The following YAF2 variants were observed in gnomAD, a reference collection of about 807,000 sequenced individuals.
YAF2 encodes YY1-associated factor 2.
A neutral mutation model predicts 20.1 loss-of-function variants in YAF2; 7 were observed. That is an observed-to-expected ratio of 0.35 (90% CI 0.20 to 0.65). The LOEUF is 0.65. Ranked by LOEUF, YAF2 falls within the 30% of genes least tolerant of loss-of-function variation. The pLI, the probability that YAF2 is intolerant of heterozygous loss-of-function variation, is 0.69. For missense variants in YAF2, 151 were observed against 219.2 expected, an observed-to-expected ratio of 0.69 and a Z score of 1.96; for synonymous variants, 74 against 76.0, an observed-to-expected ratio of 0.97 and a Z score of 0.14.
intron 2 of YAF2, among the ~76,000 whole-genome samples, chr12:42,227,060 A>AGCC (rs1185489464): frequency 1.4e-5 from 2 of 145,606 alleles, no homozygotes; most frequent in Non-Finnish European, 3.0e-5. Flanking sequence ...GACCGACCGC[A>AGCC]GCCGCCGCCG....
intron 2 of YAF2, among the ~76,000 whole-genome samples, chr12:42,222,216 A>G (rs1367584196): frequency 6.6e-6 from 1 of 152,230 alleles, no homozygotes; most frequent in Admixed American, 6.5e-5. Flanking sequence ...TAAGGAAAAC[A>G]TACCTTAAAG....
chr12:42,161,547 T>A, intron 3 of YAF2, 66 bp downstream of exon 3: 1 of 1,478,278 alleles, frequency 6.8e-7, no homozygotes. Context: ...TATTAGTATG[T>A]CAAGGTTAAA....
At chr12:42,165,324 C>A (rs1017009728) in intron 2 of YAF2, among the ~76,000 whole-genome samples, 1 of 151,798 alleles carries the variant, frequency 6.6e-6, no homozygotes. Context: ...CACAATGGAC[C>A]CTTTTAATAA....
At chr12:42,226,563 C>G in intron 2 of YAF2, among the ~76,000 whole-genome samples, 1 of 152,022 alleles carries the variant, frequency 6.6e-6, no homozygotes, top group Non-Finnish European at 1.5e-5. Context: ...ACTTGGGAGG[C>G]TAAGGTGGGG....
chr12:42,211,363 G>T (rs1389693073), intron 2 of YAF2, among the ~76,000 whole-genome samples: 1 of 146,224 alleles, frequency 6.8e-6, no homozygotes, highest in Non-Finnish European at 1.5e-5. Flanking sequence ...GGAAGCAGAG[G>T]TTGCAGTGAG....
chr12:42,201,560 T>A (rs1433720095), intron 2 of YAF2, among the ~76,000 whole-genome samples: 1 of 152,208 alleles, frequency 6.6e-6, no homozygotes, highest in African/African-American at 2.4e-5. Flanking sequence ...GCATATCTTT[T>A]AGTTTGGTTT....
At chr12:42,232,835 T>G (rs2068022993) in intron 2 of YAF2, 1 of 985,226 alleles carries the variant, frequency 1.0e-6, no homozygotes, top group Admixed American at 6.2e-5. Flanking sequence ...AACTCACTCT[T>G]TTTACCTAAC....
chr12:42,166,063 C>T (rs1270486258), intron 2 of YAF2, among the ~76,000 whole-genome samples: 1 of 151,752 alleles, frequency 6.6e-6, no homozygotes, highest in African/African-American at 2.4e-5. Context: ...GGATTACAAG[C>T]GTGTGCCACC....
chr12:42,234,768 A>C (rs1284157330), intron 2 of YAF2: 1 of 948,428 alleles, frequency 1.1e-6, no homozygotes, highest in Admixed American at 6.2e-5. Context: ...TAGGAGGATC[A>C]CTTGAGCTCA....
rs1301819071 is a variant in YAF2, at chr12:42,199,152, G to C, written c.153-37387C>G. ...ACAGCTTACCAGACTGTCCAAAAAAGAGAATGACCCAAATTTCTAGGCAGA... is the reference window on the plus strand; with the variant it reads ...ACAGCTTACCAGACTGTCCAAAAAACAGAATGACCCAAATTTCTAGGCAGA... On this transcript the variant is annotated intron_variant, in intron 2 of 3. Transcript: ENST00000534854. The C allele has an allele frequency of 3.1e-6, 4 of 1,288,814 alleles. No individual in the cohort carries two copies. The East Asian group carries it at 2.2e-4, about 71-fold the overall frequency. 79.8% of individuals were successfully genotyped at this position (1,288,814 alleles called of 1,614,324 possible). A position where few individuals can be genotyped will look rare whatever the true frequency, so the allele number is the denominator to read the frequency against.
At chr12:42,218,526 T>C (rs1307193648) in intron 2 of YAF2, among the ~76,000 whole-genome samples, 1 of 152,160 alleles carries the variant, frequency 6.6e-6, no homozygotes, top group Non-Finnish European at 1.5e-5. Flanking sequence ...GTATGTGTCT[T>C]TTAAAAAATG....
intron 2 of YAF2, among the ~76,000 whole-genome samples, chr12:42,173,178 A>G (rs2066094684): frequency 6.6e-6 from 1 of 152,200 alleles, no homozygotes; most frequent in Admixed American, 6.5e-5. Context: ...TGCAGCCTCA[A>G]ACTCCTGGGC....
intron 2 of YAF2, chr12:42,232,514 G>C: frequency 1.0e-6 from 1 of 985,342 alleles, no homozygotes; most frequent in Non-Finnish European, 1.2e-6. Context: ...AAACAAACAA[G>C]TAAGAAATCT....
intron 2 of YAF2, among the ~76,000 whole-genome samples, chr12:42,209,111 A>G (rs1232906040): frequency 6.6e-6 from 1 of 152,222 alleles, no homozygotes; most frequent in Non-Finnish European, 1.5e-5. Context: ...GCTCAAACTG[A>G]ACCAATTCTG....
chr12:42,211,446 A>AC (rs2067206914), intron 2 of YAF2, among the ~76,000 whole-genome samples: 2 of 148,592 alleles, frequency 1.3e-5, no homozygotes, highest in African/African-American at 4.9e-5. Flanking sequence ...AAAAAAAAAA[A>AC]AAAAAGTCAT....
At chr12:42,235,077 T>C (rs1444596062) in intron 2 of YAF2, 3 of 985,402 alleles carry the variant, frequency 3.0e-6, no homozygotes, top group African/African-American at 1.7e-5. Context: ...GTTTTTCAAA[T>C]GTCTAGAATG....
intron 2 of YAF2, among the ~76,000 whole-genome samples, chr12:42,223,059 A>G (rs1024671887): frequency 6.6e-6 from 1 of 151,838 alleles, no homozygotes; most frequent in Non-Finnish European, 1.5e-5. Flanking sequence ...TCCTATATAC[A>G]CTTCCATTTG....
At chr12:42,215,439 G>C (rs2067324768) in intron 2 of YAF2, among the ~76,000 whole-genome samples, 1 of 152,100 alleles carries the variant, frequency 6.6e-6, no homozygotes, top group African/African-American at 2.4e-5. Context: ...AAAAACTCCA[G>C]TGTACTTCAG....
intron 2 of YAF2, chr12:42,234,504 TA>T: frequency 1.0e-6 from 1 of 983,848 alleles, no homozygotes; most frequent in Non-Finnish European, 1.2e-6. Flanking sequence ...CCCCAAAATC[TA>T]AAATAAAATT....
Sources: allele counts gnomAD v4.1 joint callset (sites outside exome capture counted in the v4.1 genomes callset), GRCh38; gene constraint gnomAD v4.1.1; transcripts MANE v1.5; gene names NCBI Gene and HGNC (gene_info 2026-07-23, HGNC 2026-07-21).